The following DYM variants were observed in gnomAD, a reference collection of about 807,000 sequenced individuals.
DYM encodes the protein dyggve-Melchior-Clausen syndrome protein.
A neutral mutation model predicts 93.1 loss-of-function variants in DYM; 78 were observed. The observed-to-expected ratio is 0.84, with a 90% confidence interval of 0.70 to 1.01. DYM has a LOEUF of 1.01. DYM is among the 50% of genes least tolerant of loss of function. DYM has a pLI of 0.00. For missense variants in DYM, 789 were observed against 845.0 expected, an observed-to-expected ratio of 0.93 and a Z score of 0.82; for synonymous variants, 321 against 319.7, an observed-to-expected ratio of 1.00 and a Z score of -0.04.
At chr18:49,192,951 G>C (rs946252827) in intron 14 of DYM, among the ~76,000 whole-genome samples, 5 of 152,092 alleles carry the variant, frequency 3.3e-5, no homozygotes, top group Non-Finnish European at 7.4e-5. Context: ...GCCCCAGTTA[G>C]GCAGGAAGAA....
intron 2 of DYM, among the ~76,000 whole-genome samples, chr18:49,409,267 G>A (rs1397739366): frequency 7.1e-6 from 1 of 140,700 alleles, no homozygotes; most frequent in African/African-American, 2.7e-5. Context: ...CTGGGTGACA[G>A]AGTGAGACTC....
At chr18:49,236,495 T>A (rs1035776391) in intron 13 of DYM, among the ~76,000 whole-genome samples, 65 of 144,986 alleles carry the variant, frequency 4.5e-4, no homozygotes, top group East Asian at 2.2e-3. Context: ...AAAAAATAAA[T>A]AAATAAATAA....
At chr18:49,286,837 T>C (rs2059697379) in intron 8 of DYM, among the ~76,000 whole-genome samples, 1 of 152,194 alleles carries the variant, frequency 6.6e-6, no homozygotes, top group African/African-American at 2.4e-5. Flanking sequence ...GAGATTTTTA[T>C]GATTAGGTAA....
intron 5 of DYM, among the ~76,000 whole-genome samples, chr18:49,375,995 G>A (rs2147628385): frequency 6.6e-6 from 1 of 152,166 alleles, no homozygotes; most frequent in South Asian, 2.1e-4. Context: ...GGACTCTTGG[G>A]CCTTCAGACA....
chr18:49,258,546 G>T, intron 11 of DYM, 53 bp from the exon 12 acceptor site: 1 of 1,132,336 alleles, frequency 8.8e-7, no homozygotes, highest in Non-Finnish European at 1.3e-6. Context: ...ACAGACAAAA[G>T]AATTACTCCA....
intron 17 of DYM, among the ~76,000 whole-genome samples, chr18:49,065,425 C>T (rs2076315266): frequency 6.6e-6 from 1 of 152,112 alleles, no homozygotes; most frequent in Non-Finnish European, 1.5e-5. Flanking sequence ...TGCAATGGTG[C>T]GATCTTGGCT....
intron 14 of DYM, among the ~76,000 whole-genome samples, chr18:49,191,793 C>G (rs1376679848): frequency 6.6e-6 from 1 of 151,988 alleles, no homozygotes; most frequent in African/African-American, 2.4e-5. Flanking sequence ...TACGATGAGT[C>G]AAAATGATTT....
chr18:49,236,487 A>AAAAAT (rs59730330), intron 13 of DYM, among the ~76,000 whole-genome samples: 21,491 of 148,814 alleles, frequency 0.14, 2,179 homozygotes, highest in Admixed American at 0.3. Flanking sequence ...CTCAAAAAAA[A>AAAAAT]AAATAAATAA....
chr18:49,438,279 T>C (rs79113479), intron 1 of DYM, among the ~76,000 whole-genome samples: 13,902 of 152,218 alleles, frequency 0.091, 853 homozygotes, highest in East Asian at 0.31. Context: ...CTGAACAGAA[T>C]GTTAACAAAA....
chr18:49,287,170 G>A (rs2059720032), intron 8 of DYM, among the ~76,000 whole-genome samples: 1 of 152,010 alleles, frequency 6.6e-6, no homozygotes, highest in Non-Finnish European at 1.5e-5. Context: ...CTGGGCAACA[G>A]AGTGAGACTC....
At chr18:49,458,295 AT>A (rs1333588171) in intron 1 of DYM, among the ~76,000 whole-genome samples, 3 of 152,088 alleles carry the variant, frequency 2.0e-5, no homozygotes, top group Non-Finnish European at 4.4e-5. Context: ...CAAAGTGACA[AT>A]TCTTCAAACT....
intron 13 of DYM, among the ~76,000 whole-genome samples, chr18:49,211,510 A>G (rs974273091): frequency 1.1e-4 from 17 of 152,238 alleles, no homozygotes; most frequent in African/African-American, 4.1e-4. Context: ...CAAGAGGGTG[A>G]TAGGTAATTT....
At chr18:49,332,959 C>T (rs145205861) in intron 7 of DYM, among the ~76,000 whole-genome samples, 143 of 152,258 alleles carry the variant, frequency 9.4e-4, no homozygotes, top group African/African-American at 3.2e-3. Flanking sequence ...ATGCAAACCT[C>T]TGACTCCAAA....
At chr18:49,258,855 G>GCAC (rs1555664229) in intron 11 of DYM, among the ~76,000 whole-genome samples, 1 of 101,524 alleles carries the variant, frequency 9.8e-6, no homozygotes, top group African/African-American at 3.9e-5. Context: ...GAGAGAGAGA[G>GCAC]AGAGAGAGAG....
intron 7 of DYM, among the ~76,000 whole-genome samples, chr18:49,333,322 G>C (rs769049835): frequency 2.0e-5 from 3 of 152,324 alleles, no homozygotes; most frequent in Non-Finnish European, 4.4e-5. Flanking sequence ...CGAAGAGGCT[G>C]CTGGAGAAGT....
intron 1 of DYM, among the ~76,000 whole-genome samples, chr18:49,455,859 G>A (rs906546651): frequency 2.0e-5 from 3 of 151,650 alleles, no homozygotes; most frequent in Admixed American, 6.6e-5. Flanking sequence ...TGAGGCAGGA[G>A]AATCACTTGA....
At chr18:49,060,546 C>T (rs954053286) in intron 17 of DYM, among the ~76,000 whole-genome samples, 4 of 149,422 alleles carry the variant, frequency 2.7e-5, no homozygotes, top group African/African-American at 7.4e-5. Flanking sequence ...AAGGTAGGCT[C>T]TCTGTGTGCC....
intron 6 of DYM, among the ~76,000 whole-genome samples, chr18:49,355,721 C>G (rs1446407040): frequency 6.6e-6 from 1 of 152,062 alleles, no homozygotes; most frequent in Non-Finnish European, 1.5e-5. Context: ...TCCCAACAAA[C>G]AACTAATTTT....
chr18:49,192,333 T>C (rs1600497253), intron 14 of DYM, among the ~76,000 whole-genome samples: 1 of 152,192 alleles, frequency 6.6e-6, no homozygotes, highest in Non-Finnish European at 1.5e-5. Flanking sequence ...TTAATAACTA[T>C]AAATATCATT....
Sources: allele counts gnomAD v4.1 joint callset (sites outside exome capture counted in the v4.1 genomes callset), GRCh38; gene constraint gnomAD v4.1.1; transcripts MANE v1.5; gene names NCBI Gene and HGNC (gene_info 2026-07-23, HGNC 2026-07-21).